The following EFCAB14 variants were observed in gnomAD, a reference collection of about 807,000 sequenced individuals.
EFCAB14 encodes the protein EF-hand calcium binding domain 14.
In EFCAB14, 43 loss-of-function variants were observed where a neutral mutation model predicts 56.5. The observed-to-expected ratio is 0.76, with a 90% CI of 0.60 to 0.98. EFCAB14 has a LOEUF of 0.98. Among genes scored for constraint, EFCAB14 ranks in the 50% least tolerant of loss-of-function variants. The pLI is 0.00. For synonymous variants in EFCAB14, 235 were observed against 212.9 expected (o/e 1.10, Z -0.90); for missense variants, 538 against 580.3 (o/e 0.93, Z 0.75).
Position 46,691,810 on chromosome 1 carries a change from T to A in EFCAB14, c.690+17A>T. 1 of 1,596,540 alleles carries A rather than the reference T, an allele frequency of 6.3e-7. No homozygotes were observed. The highest frequency in any genetic ancestry group is 1.7e-5 in the Admixed American group (1 of 58,750). On this transcript the variant is annotated intron_variant, in intron 5 of 10. Transcript: ENST00000371933. ...AAAGGGTGAGCAGGAGCATGCTGAC[T>A]TGCTGGGTCTCCTTACCATATCACT...
intron 2 of EFCAB14, among the ~76,000 whole-genome samples, chr1:46,710,876 A>G (rs893832614): frequency 4.6e-5 from 7 of 152,120 alleles, no homozygotes; most frequent in African/African-American, 1.7e-4. Context: ...TATCTTCCAC[A>G]TATGAGTGAG....
intron 10 of EFCAB14, among the ~76,000 whole-genome samples, chr1:46,679,159 T>A (rs1013087752): frequency 2.6e-5 from 4 of 152,116 alleles, no homozygotes; most frequent in Admixed American, 6.5e-5. Flanking sequence ...GATGGCTGAG[T>A]GGAGACTGGA....
In EFCAB14 at chr1:46,681,258, C is replaced by T. The variant is rs540496347; in HGVS notation, c.1312+2042G>A. ...ACAGGCATGAGCCACTGCACCTGGC[C>T]GTATATACATAACATTTAAAAAATA... On this transcript the variant is annotated intron_variant, in intron 10 of 10. Coordinates refer to ENST00000371933, the MANE Select transcript of EFCAB14 (RefSeq NM_014774.3). 3.9e-5 allele frequency among the ~76,000 whole-genome samples: 6 copies of T among 152,154 alleles called. No individual in the cohort carries two copies. The East Asian group carries it at 5.8e-4, about 15-fold the overall frequency.
Position 46,678,612 on chromosome 1 carries a change from G to A in EFCAB14, c.1337C>T (p.Thr446Ile), listed in dbSNP as rs760290036. Residue 446 changes from threonine (T) to isoleucine (I), a missense_variant, in exon 11 of 11, where the codon ACT becomes ATT. Coordinates refer to ENST00000371933, the MANE Select transcript of EFCAB14 (RefSeq NM_014774.3). ...TEDLQDLFRK[T>I]GQDVDGKLTY... ...CAGCTTCCCATCCACGTCCTGGCCA[G>A]TCTTGCGGAATAAATCCTGAAGATC... 3.7e-6 allele frequency: 6 copies of A among 1,613,164 alleles called. No homozygotes were observed. The East Asian group carries it at 6.7e-5, about 18-fold the overall frequency.
intron 10 of EFCAB14, among the ~76,000 whole-genome samples, chr1:46,681,692 G>A (rs2148837441): frequency 6.7e-6 from 1 of 148,730 alleles, no homozygotes; most frequent in African/African-American, 2.5e-5. Context: ...TTTGTGGCAT[G>A]AGTTTATACA....
rs1676703013 is a variant in EFCAB14, at chr1:46,676,852, A to C, written c.*1609T>G. The C allele has an allele frequency of 6.6e-6, 1 of 151,508 alleles. No homozygotes were observed. The highest frequency in any genetic ancestry group is 1.5e-5 in the Non-Finnish European group (1 of 67,752). 9.4% of individuals were successfully genotyped at this position (151,508 alleles called of 1,614,324 possible). On this transcript the variant is annotated 3_prime_UTR_variant, in exon 11 of 11. Coordinates refer to ENST00000371933, the MANE Select transcript of EFCAB14 (RefSeq NM_014774.3). ...AAAAAATTTAAGTTTGGTTAATACC[A>C]AGCTGAACATCATGTAAAGAAAAAA...
intron 4 of EFCAB14, among the ~76,000 whole-genome samples, chr1:46,696,334 A>T (rs2148845361): frequency 6.6e-6 from 1 of 152,288 alleles, no homozygotes; most frequent in South Asian, 2.1e-4. Context: ...AGCTGAGGTA[A>T]CCTGTTGCAA....
At chr1:46,708,179 T>C (rs1677260312) in intron 2 of EFCAB14, 128 bp from the exon 3 acceptor site, 3 of 917,994 alleles carry the variant, frequency 3.3e-6, no homozygotes, top group East Asian at 5.7e-5. Context: ...TGTTCTTTTA[T>C]TTATGTAAAT....
chr1:46,701,541 A>G (rs1242114089), intron 3 of EFCAB14, among the ~76,000 whole-genome samples: 1 of 152,248 alleles, frequency 6.6e-6, no homozygotes. Flanking sequence ...GCTATGGCAG[A>G]GTGCATGGCT....
intron 4 of EFCAB14, 196 bp from the exon 5 acceptor site, chr1:46,692,133 C>T (rs1222554334): frequency 3.0e-5 from 13 of 435,138 alleles, no homozygotes; most frequent in Non-Finnish European, 4.9e-5. Flanking sequence ...ACTCCCTTGC[C>T]GATCGTTCCC....
At chr1:46,714,429 TAAA>T (rs796203292) in intron 2 of EFCAB14, among the ~76,000 whole-genome samples, 8 of 107,828 alleles carry the variant, frequency 7.4e-5, no homozygotes, top group Non-Finnish European at 1.0e-4. Flanking sequence ...TCAGTGTTGC[TAAA>T]AAAAAAAAAA....
intron 7 of EFCAB14, among the ~76,000 whole-genome samples, 164 bp downstream of exon 7, chr1:46,688,189 A>C (rs1206020468): frequency 6.6e-6 from 1 of 152,190 alleles, no homozygotes; most frequent in African/African-American, 2.4e-5. Context: ...CACATCACAC[A>C]GCTAGTGTGA....
intron 4 of EFCAB14, among the ~76,000 whole-genome samples, chr1:46,694,747 T>C (rs1449430504): frequency 3.3e-5 from 5 of 152,198 alleles, no homozygotes; most frequent in East Asian, 1.9e-4. Context: ...CAAAGGATTA[T>C]AAATCATGTT....
intron 10 of EFCAB14, among the ~76,000 whole-genome samples, chr1:46,681,198 A>C (rs1676788668): frequency 6.6e-6 from 1 of 152,180 alleles, no homozygotes. Flanking sequence ...AGCTCAAGCC[A>C]TCTGCCTGCC....
intron 8 of EFCAB14, among the ~76,000 whole-genome samples, chr1:46,685,574 G>T (rs527383485): frequency 2.0e-5 from 3 of 152,276 alleles, no homozygotes; most frequent in Admixed American, 6.5e-5. Context: ...AGGAGAAATT[G>T]TATCTGGTTA....
chr1:46,684,231 T>C (rs1441665358), intron 9 of EFCAB14: 1 of 424,690 alleles, frequency 2.4e-6, no homozygotes, highest in Non-Finnish European at 4.2e-6. Context: ...CATTTTTGCC[T>C]ATAATTGGAT....
chr1:46,702,830 T>C (rs1329885696), intron 3 of EFCAB14, among the ~76,000 whole-genome samples: 2 of 151,810 alleles, frequency 1.3e-5, no homozygotes, highest in African/African-American at 2.4e-5. Flanking sequence ...CTACACAGAG[T>C]ACTATAGGAG....
At position 46,709,909 on chromosome 1, in the gene EFCAB14, A is replaced by G. The variant is rs551220635; in HGVS notation, c.335-1858T>C. ...AGGCTGAGGAAGGAGAATCATTTGAACCTGGGAGGTGGAGGTTGTGTTGAG... is the reference window on the plus strand; with the variant it reads ...AGGCTGAGGAAGGAGAATCATTTGAGCCTGGGAGGTGGAGGTTGTGTTGAG... On this transcript the variant is annotated intron_variant, in intron 2 of 10. Coordinates refer to ENST00000371933, the MANE Select transcript of EFCAB14 (RefSeq NM_014774.3). 1.7e-3 allele frequency among the ~76,000 whole-genome samples: 262 copies of G among 152,194 alleles called. 2 individuals are homozygous for G. Among genetic ancestry groups the G allele is most frequent in the African/African-American group, 6.2e-3 (256 of 41,514 alleles).
chr1:46,692,515 T>A (rs1352774992), intron 4 of EFCAB14, among the ~76,000 whole-genome samples: 3 of 152,242 alleles, frequency 2.0e-5, no homozygotes, highest in Admixed American at 6.5e-5. Context: ...ATGGCAGGTC[T>A]ATGCTTCACT....
Sources: allele counts gnomAD v4.1 joint callset (sites outside exome capture counted in the v4.1 genomes callset), GRCh38; gene constraint gnomAD v4.1.1; transcripts MANE v1.5; gene names NCBI Gene and HGNC (gene_info 2026-07-23, HGNC 2026-07-21).